Variants in KIAA1217 observed in about 807,000 individuals in gnomAD.
The protein encoded by KIAA1217 is KIAA1217, also known as sickle tail protein homolog.
Under a neutral mutation model 163.9 loss-of-function variants are expected in KIAA1217, and 88 were observed. The ratio of observed to expected loss-of-function variants is 0.54; its 90% CI spans 0.45 to 0.64. The LOEUF is 0.64. Ranked by LOEUF, KIAA1217 falls within the 30% of genes least tolerant of loss-of-function variation. KIAA1217 has a pLI of 0.00. For missense variants in KIAA1217, 2,372 were observed against 2,475.0 expected (o/e 0.96, Z 0.88); for synonymous variants, 903 against 923.1 (o/e 0.98, Z 0.39).
chr10:24,337,590 T>TTTTTCTTTTCTTTTCTTTTCTTTTC, intron 2 of KIAA1217, among the ~76,000 whole-genome samples: 1 of 134,476 alleles, frequency 7.4e-6, no homozygotes, highest in East Asian at 2.1e-4. Context: ...TTGTGTGGTT[T>TTTTTCTTTTCTTTTCTTTTCTTTTC]TTTTCTTTTC....
At position 24,126,039 on chromosome 10, in the gene KIAA1217, C is replaced by T. The variant is rs569825892; in HGVS notation, c.-170-93587C>T. ...CTCATTGTGGATCTATACTAATCTT[C>T]ATTCCTCCTTGTCTCAAAGTAACCA... On this transcript the variant is annotated intron_variant, in intron 2 of 18. Transcript: ENST00000376462. Among the ~76,000 whole-genome samples, 9 of 152,270 alleles carry T rather than the reference C, an allele frequency of 5.9e-5. No homozygotes were observed. The South Asian group carries it at 1.9e-3, about 32-fold the overall frequency.
intron 1 of KIAA1217, among the ~76,000 whole-genome samples, chr10:23,752,630 A>G (rs962373039): frequency 1.3e-5 from 2 of 152,120 alleles, no homozygotes; most frequent in South Asian, 2.1e-4. Context: ...CACTTTCTCA[A>G]TTTCCCTCAG....
At chr10:24,032,102 T>C (rs1212303494) in intron 2 of KIAA1217, among the ~76,000 whole-genome samples, 7 of 152,192 alleles carry the variant, frequency 4.6e-5, no homozygotes, top group Admixed American at 4.6e-4. Flanking sequence ...TGGCTTTCAG[T>C]AACCAGAAAA....
intron 1 of KIAA1217, among the ~76,000 whole-genome samples, chr10:23,715,943 A>C (rs1489341957): frequency 6.6e-6 from 1 of 152,164 alleles, no homozygotes; most frequent in Non-Finnish European, 1.5e-5. Flanking sequence ...ACATTGCACC[A>C]ATTTGCAAGT....
intron 2 of KIAA1217, among the ~76,000 whole-genome samples, chr10:24,347,770 T>C (rs937347845): frequency 6.6e-6 from 1 of 152,190 alleles, no homozygotes; most frequent in African/African-American, 2.4e-5. Flanking sequence ...TTGAGGTTTT[T>C]TTCCCCCCAG....
At chr10:23,916,219 T>C (rs1842628261) in intron 1 of KIAA1217, among the ~76,000 whole-genome samples, 1 of 152,222 alleles carries the variant, frequency 6.6e-6, no homozygotes, top group South Asian at 2.1e-4. Context: ...CTTTCAGTTG[T>C]CTAGATTTAT....
intron 1 of KIAA1217, among the ~76,000 whole-genome samples, chr10:23,973,225 A>C (rs1213183835): frequency 1.3e-5 from 2 of 152,172 alleles, no homozygotes; most frequent in African/African-American, 2.4e-5. Flanking sequence ...TAAGTTTAGG[A>C]GGGAAAAAAA....
At chr10:24,074,707 T>C (rs1200856883) in intron 2 of KIAA1217, among the ~76,000 whole-genome samples, 10 of 126,662 alleles carry the variant, frequency 7.9e-5, no homozygotes, top group Admixed American at 2.1e-4. Flanking sequence ...CTTCTTCTTT[T>C]TTTTTTTTTT....
chr10:23,916,520 T>G (rs1268831080), intron 1 of KIAA1217, among the ~76,000 whole-genome samples: 1 of 151,934 alleles, frequency 6.6e-6, no homozygotes, highest in African/African-American at 2.4e-5. Flanking sequence ...GCTTGCTTGT[T>G]TATTTAATGC....
chr10:24,498,933 G>GT (rs1481381006), intron 8 of KIAA1217, among the ~76,000 whole-genome samples: 1 of 152,188 alleles, frequency 6.6e-6, no homozygotes, highest in Admixed American at 6.5e-5. Context: ...GGGGAGGGAG[G>GT]TACCTTGGTG....
intron 5 of KIAA1217, among the ~76,000 whole-genome samples, chr10:24,463,976 G>T (rs74125421): frequency 1.3e-5 from 2 of 152,192 alleles, no homozygotes; most frequent in African/African-American, 4.8e-5. Context: ...AAGCGTGGGG[G>T]TGTTAGTGGT....
At chr10:24,377,745 A>T (rs184046513) in intron 2 of KIAA1217, among the ~76,000 whole-genome samples, 32 of 152,304 alleles carry the variant, frequency 2.1e-4, no homozygotes, top group Non-Finnish European at 2.2e-4. Flanking sequence ...AATGGGAACT[A>T]TGATTATGGA....
intron 2 of KIAA1217, among the ~76,000 whole-genome samples, chr10:24,371,451 A>T (rs79199077): frequency 6.6e-6 from 1 of 152,212 alleles, no homozygotes; most frequent in African/African-American, 2.4e-5. Context: ...TTAAATTACT[A>T]TAATGGTATC....
intron 1 of KIAA1217, among the ~76,000 whole-genome samples, chr10:23,932,560 T>C (rs974193531): frequency 2.0e-5 from 3 of 152,146 alleles, no homozygotes; most frequent in Non-Finnish European, 4.4e-5. Flanking sequence ...CTGGTAAAAA[T>C]TTAACATATA....
intron 2 of KIAA1217, among the ~76,000 whole-genome samples, chr10:24,092,416 C>G (rs61661910): frequency 0.079 from 11,528 of 145,764 alleles, 1,692 homozygotes; most frequent in African/African-American, 0.27. Flanking sequence ...CCACTCCCAA[C>G]AAAAATAACC....
At chr10:23,977,897 G>A (rs1195512754) in intron 1 of KIAA1217, among the ~76,000 whole-genome samples, 1 of 152,064 alleles carries the variant, frequency 6.6e-6, no homozygotes, top group African/African-American at 2.4e-5. Flanking sequence ...TACTACCTTT[G>A]GGACCTTGTC....
At chr10:24,449,428 A>C (rs1426227547) in intron 5 of KIAA1217, 1 of 984,074 alleles carries the variant, frequency 1.0e-6, no homozygotes, top group Non-Finnish European at 1.2e-6. Flanking sequence ...TTTCTGCCAG[A>C]CAGAACACAT....
chr10:24,383,820 C>T (rs938831118), intron 3 of KIAA1217, among the ~76,000 whole-genome samples: 1 of 152,206 alleles, frequency 6.6e-6, no homozygotes. Flanking sequence ...GGGAATGTCC[C>T]CCCAGCCGCA....
At chr10:24,472,178 G>A (rs1488249267) in intron 5 of KIAA1217, among the ~76,000 whole-genome samples, 4 of 152,192 alleles carry the variant, frequency 2.6e-5, no homozygotes, top group Non-Finnish European at 5.9e-5. Flanking sequence ...TTGAATAGGT[G>A]AGAAGGAGGA....
Sources: allele counts gnomAD v4.1 joint callset (sites outside exome capture counted in the v4.1 genomes callset), GRCh38; gene constraint gnomAD v4.1.1; transcripts MANE v1.5; gene names NCBI Gene and HGNC (gene_info 2026-07-23, HGNC 2026-07-21).